Variants in FMNL1 observed in about 807,000 individuals in gnomAD.
FMNL1 encodes formin-like protein 1.
Under a neutral mutation model 121.3 loss-of-function variants are expected in FMNL1, and 43 were observed. That is an observed-to-expected ratio of 0.35 (90% CI 0.28 to 0.46). The LOEUF is 0.46. Ranked by LOEUF, FMNL1 falls within the 20% of genes least tolerant of loss-of-function variation. The probability of loss-of-function intolerance (pLI) is 1.00; values close to 1 mark genes in which losing one functional copy is unlikely to be tolerated. For missense variants in FMNL1, 1,191 were observed against 1,482.4 expected (o/e 0.80, Z 3.23); for synonymous variants, 613 against 613.5 (o/e 1.00, Z 0.01).
chr17:45,223,287 C>T (rs1417976940), intron 1 of FMNL1, among the ~76,000 whole-genome samples: 1 of 152,222 alleles, frequency 6.6e-6, no homozygotes, highest in African/African-American at 2.4e-5. Context: ...AACGGAGACA[C>T]AGGCCGCAGA....
Position 45,241,149 on chromosome 17 carries a change from C to T in FMNL1, c.1251C>T (p.Asp417=), listed in dbSNP as rs1166484280. The T allele has an allele frequency of 1.9e-6, 3 of 1,614,018 alleles. No homozygotes were observed. The highest frequency in any genetic ancestry group is 1.7e-5 in the Admixed American group (1 of 60,032). ...TACAGCTGACAGAGCGGCTTCGGGA[C>T]GCGGAGAACGAATCCATGGCCAAGA... ...QVALLTERLR[D]AENESMAKIA... is the part of the protein sequence containing the mutation. The change falls in exon 13 of 27, where the codon GAC becomes GAT. Residue 417 remains aspartate, a synonymous_variant. Coordinates refer to ENST00000331495, the MANE Select transcript of FMNL1 (RefSeq NM_005892.4). The surrounding 1 kb of genome is among the most constrained non-coding windows in gnomAD (Gnocchi z 7.0).
At position 45,241,064 on chromosome 17, in the gene FMNL1, G is replaced by A. The variant is rs896128494; in HGVS notation, c.1231-65G>A. The stretch of plus-strand genomic sequence containing the variant: ...CTTCCAGGCAGGCATGCCTGATGCC[G>A]CCCCCTCACCGGCGGTGCCAGTGCC... On this transcript the variant is annotated intron_variant, in intron 12 of 26. Coordinates refer to ENST00000331495, the MANE Select transcript of FMNL1 (RefSeq NM_005892.4). This position sits in a 1 kb window ranked among gnomAD's most constrained non-coding sequence, Gnocchi z 7.0. 1.3e-6 allele frequency: 2 copies of A among 1,588,684 alleles called. No homozygotes were observed. Among genetic ancestry groups the A allele is most frequent in the Admixed American group, 1.7e-5 (1 of 59,116 alleles).
In FMNL1 at chr17:45,246,510, A is replaced by G. The variant is rs1370317879; in HGVS notation, c.3217A>G (p.Lys1073Glu). 1 of 1,613,886 alleles carries G rather than the reference A, an allele frequency of 6.2e-7. No individual in the cohort carries two copies. The highest frequency in any genetic ancestry group is 1.3e-5 in the African/African-American group (1 of 74,848). ...GAIEDIITVI[K>E]TVPFTARTGK... ...CCTGCCCCACCCCCACTCAGTGATC[A>G]AGACGGTGCCCTTCACGGCCCGCAC... Residue 1073 changes from lysine (K) to glutamate (E), a missense_variant, in exon 26 of 27, where the codon AAG (lysine) becomes GAG (glutamate). Coordinates refer to ENST00000331495, the MANE Select transcript of FMNL1 (RefSeq NM_005892.4).
At chr17:45,227,525 T>C (rs2043353311) in intron 1 of FMNL1, among the ~76,000 whole-genome samples, 1 of 152,176 alleles carries the variant, frequency 6.6e-6, no homozygotes, top group Non-Finnish European at 1.5e-5. Context: ...TCCTGTCTCT[T>C]TCCTCATCTG....
In FMNL1 at chr17:45,237,429, C is replaced by T. The variant is rs1198681826; in HGVS notation, c.800+72C>T. ...TACTTAGCCCCTTGCTTACTCTGTCCTCCAGGTCTCAGAGGCTCATTCTGC... is the reference window on the plus strand; with the variant it reads ...TACTTAGCCCCTTGCTTACTCTGTCTTCCAGGTCTCAGAGGCTCATTCTGC... On this transcript the variant is annotated intron_variant, in intron 8 of 26. Transcript: ENST00000331495. This position sits in a 1 kb window ranked among gnomAD's most constrained non-coding sequence, Gnocchi z 4.4. 2 of 1,608,958 alleles carry T rather than the reference C, an allele frequency of 1.2e-6. No homozygotes were observed. Among genetic ancestry groups the T allele is most frequent in the African/African-American group, 1.3e-5 (1 of 74,802 alleles).
rs376766535 is a variant in FMNL1, at chr17:45,245,078, G to A, written c.2698G>A (p.Asp900Asn). 4.3e-6 allele frequency: 7 copies of A among 1,614,046 alleles called. No homozygotes were observed. Among genetic ancestry groups the A allele is most frequent in the South Asian group, 1.1e-5 (1 of 91,088 alleles). The change falls in exon 21 of 27, where the codon GAC becomes AAC. Residue 900 changes from aspartate (D) to asparagine (N), a missense_variant. By Grantham distance (23) the Asp-to-Asn change is conservative. Transcript: ENST00000331495. ...CCCGCAACTCACAGGCTTCCACAGC[G>A]ACCTGCACTTCCTGGACAAGGCGGG... ...KYPQLTGFHS[D>N]LHFLDKAGSV...
rs779923468 is a variant in FMNL1, at chr17:45,245,694, GTTC to G, written c.2960_2962del (p.Phe987del). On this transcript the variant is annotated inframe_deletion, in exon 23 of 27. Transcript: ENST00000331495. ...ACCCCAAGACCACATCCCCAGGCCT[GTTC>G]TTCTCCCTCTTTAGCCGCTTCATTA... 6.2e-7 allele frequency: 1 copy of G among 1,614,104 alleles called. No individual in the cohort carries two copies. Among genetic ancestry groups the G allele is most frequent in the Non-Finnish European group, 8.5e-7 (1 of 1,179,988 alleles).
In FMNL1 at chr17:45,233,963, C is replaced by A. The variant is rs1457959783; in HGVS notation, c.486-109C>A. 1 of 1,474,340 alleles carries A rather than the reference C, an allele frequency of 6.8e-7. No individual in the cohort carries two copies. The highest frequency in any genetic ancestry group is 1.4e-5 in the African/African-American group (1 of 71,248). The allele number at this position is 1,474,340 out of a possible 1,614,324, so 91.3% of individuals were successfully genotyped here. ...AGTGCCAAGAACACAGCCTCCTCCT[C>A]CTGCTCCTTAGTCTCACCTGCAGGT... On this transcript the variant is annotated intron_variant, in intron 5 of 26. Coordinates refer to ENST00000331495, the MANE Select transcript of FMNL1 (RefSeq NM_005892.4). The surrounding 1 kb of genome is among the most constrained non-coding windows in gnomAD (Gnocchi z 4.1).
chr17:45,236,467 T>G, intron 7 of FMNL1: 1 of 450,140 alleles, frequency 2.2e-6, no homozygotes, highest in Non-Finnish European at 3.9e-6. Context: ...CCCCTGCCCA[T>G]GGCTGGGCAT....
rs1172822916 is a variant in FMNL1 at position 45,233,339 on chromosome 17, C to T, written c.401+42C>T. 1 of 1,536,440 alleles carries T rather than the reference C, an allele frequency of 6.5e-7. No individual in the cohort carries two copies. Among genetic ancestry groups the T allele is most frequent in the Non-Finnish European group, 8.8e-7 (1 of 1,136,168 alleles). On this transcript the variant is annotated intron_variant, in intron 4 of 26. Coordinates refer to ENST00000331495, the MANE Select transcript of FMNL1 (RefSeq NM_005892.4). This position sits in a 1 kb window ranked among gnomAD's most constrained non-coding sequence, Gnocchi z 4.1. ...ATCTTCCTCTCTGGGCCTAGGAAGG[C>T]TCTGCTTCCAGGCAGCTCCTGGAGC...
At chr17:45,242,993 TG>T in intron 16 of FMNL1, 124 bp from the exon 17 acceptor site, 1 of 1,039,290 alleles carries the variant, frequency 9.6e-7, no homozygotes, top group Non-Finnish European at 1.4e-6. Flanking sequence ...GTGGTCAGGC[TG>T]GGTTACTGGT....
intron 16 of FMNL1, among the ~76,000 whole-genome samples, 157 bp from the exon 17 acceptor site, chr17:45,242,961 C>A (rs967430961): frequency 2.0e-5 from 3 of 152,214 alleles, no homozygotes; most frequent in Non-Finnish European, 4.4e-5. Context: ...CTGTGCTTCC[C>A]CTGTGCCTCC....
chr17:45,229,718 C>A (rs2043400351), intron 1 of FMNL1, among the ~76,000 whole-genome samples: 1 of 152,280 alleles, frequency 6.6e-6, no homozygotes, highest in East Asian at 1.9e-4. Flanking sequence ...ATTCGGCAGC[C>A]CTGGGCTGGC....
Position 45,222,175 on chromosome 17 carries a change from G to A in FMNL1, c.51G>A (p.Pro17=). Residue 17 remains proline, a synonymous_variant, in exon 1 of 27, where the codon CCG becomes CCA. Transcript: ENST00000331495. ...AGCAGCCCGCGGGCCCCGCCGCGCC[G>A]CCCCCCAAGCAGCCCGCGCCTCCCA... The part of the protein sequence containing the change: ...SAEQPAGPAA[P]PPKQPAPPKQ... 2.5e-6 allele frequency: 3 copies of A among 1,216,726 alleles called. No homozygotes were observed. The highest frequency in any genetic ancestry group is 2.0e-6 in the Non-Finnish European group (2 of 977,822). 75.4% of individuals were successfully genotyped at this position (1,216,726 alleles called of 1,614,324 possible). A position where few individuals can be genotyped will look rare whatever the true frequency, so the allele number is the denominator to read the frequency against.
intron 11 of FMNL1, 125 bp downstream of exon 11, chr17:45,239,190 C>A: frequency 1.3e-6 from 1 of 743,952 alleles, no homozygotes; most frequent in South Asian, 1.6e-5. Context: ...CCGTTGCCTG[C>A]CGTGTGACCT....
At chr17:45,230,939 G>A (rs1741907906) in intron 2 of FMNL1, among the ~76,000 whole-genome samples, 1 of 150,892 alleles carries the variant, frequency 6.6e-6, no homozygotes, top group African/African-American at 2.5e-5. Flanking sequence ...TGGCAGAGCT[G>A]GTTCAGGCTG....
At chr17:45,245,194 T>C (rs2043801342) in intron 21 of FMNL1, 59 bp from the exon 22 acceptor site, 6 of 1,612,916 alleles carry the variant, frequency 3.7e-6, no homozygotes, top group Non-Finnish European at 5.1e-6. Context: ...CAGTATATAA[T>C]TGGTGGGAGG....
Position 45,233,053 on chromosome 17 carries a change from G to A in FMNL1, c.328-171G>A, listed in dbSNP as rs943090063. On this transcript the variant is annotated intron_variant, in intron 3 of 26. Coordinates refer to ENST00000331495, the MANE Select transcript of FMNL1 (RefSeq NM_005892.4). This position sits in a 1 kb window ranked among gnomAD's most constrained non-coding sequence, Gnocchi z 4.1. The stretch of plus-strand genomic sequence containing the variant: ...GTATGGGGGAGCACATGTAGCCTGT[G>A]AGTTCTTATTCTGCTGGGCAGGTGT... The A allele has an allele frequency of 2.8e-6, 2 of 703,384 alleles. No homozygotes were observed. Among genetic ancestry groups the A allele is most frequent in the African/African-American group, 3.5e-5 (2 of 57,024 alleles). The allele number at this position is 703,384 out of a possible 1,614,324, so 43.6% of individuals were successfully genotyped here. A position where few individuals can be genotyped will look rare whatever the true frequency, so the allele number is the denominator to read the frequency against.
In FMNL1 at chr17:45,241,527, G is replaced by C. The variant is rs754245263; in HGVS notation, c.1478G>C (p.Arg493Pro). Residue 493 changes from arginine (R) to proline (P), a missense_variant, in exon 14 of 27, where the codon CGG (arginine) becomes CCG (proline). Arg to Pro is a moderately radical substitution (Grantham distance 103, BLOSUM62 -2). Around this residue, in one of 4 missense-constraint regions of FMNL1, gnomAD observed 519 missense variants for 492.8 expected, o/e 1.05. Transcript: ENST00000331495. The surrounding 1 kb of genome is among the most constrained non-coding windows in gnomAD (Gnocchi z 7.0). ...GAGAAGGGGTTAATCCGTATTCTGC[G>C]GGGGCCGGGGGATGCTGTCTCCATC... ...LEEKGLIRIL[R>P]GPGDAVSIEI... 5.1e-6 allele frequency: 8 copies of C among 1,577,638 alleles called. No individual in the cohort carries two copies. Among genetic ancestry groups the C allele is most frequent in the Non-Finnish European group, 6.9e-6 (8 of 1,162,812 alleles).
Sources: gnomAD v4.1 joint callset for allele counts (sites outside exome capture counted in the v4.1 genomes callset) on GRCh38, gnomAD v4.1.1 for gene constraint, gnomAD v4.1.1 regional missense constraint, Gnocchi (gnomAD v3.1) non-coding constraint, MANE v1.5 for transcripts, NCBI Gene and HGNC (gene_info 2026-07-23, HGNC 2026-07-21) for gene names.